TMEM119: variants seen among roughly 807,000 people sequenced by gnomAD.
TMEM119 encodes the protein transmembrane protein 119.
For synonymous variants in TMEM119, 182 were observed against 176.4 expected (o/e 1.03, Z -0.25); for missense variants, 410 against 381.0 (o/e 1.08, Z -0.63).
intron 1 of TMEM119, among the ~76,000 whole-genome samples, chr12:108,596,219 CCT>C (rs2031501490): frequency 6.6e-6 from 1 of 152,124 alleles, no homozygotes; most frequent in Admixed American, 6.5e-5. Context: ...AATTTCCCAC[CCT>C]GAGTCGACAA....
Position 108,591,231 on chromosome 12 carries a change from A to C in TMEM119, c.*301T>G. 1 of 321,810 alleles carries C rather than the reference A, an allele frequency of 3.1e-6. No homozygotes were observed. The highest frequency in any genetic ancestry group is 5.6e-6 in the Non-Finnish European group (1 of 177,286). The allele number at this position is 321,810 out of a possible 1,614,324, so 19.9% of individuals were successfully genotyped here. A position where few individuals can be genotyped will look rare whatever the true frequency, so the allele number is the denominator to read the frequency against. On this transcript the variant is annotated 3_prime_UTR_variant, in exon 2 of 2. Coordinates refer to ENST00000392806, the MANE Select transcript of TMEM119 (RefSeq NM_181724.3). The surrounding 1 kb of genome is among the most constrained non-coding windows in gnomAD (Gnocchi z 4.2). Reference sequence around the variant, plus strand: ...GAGCCTCCACACCCAGCCTTGAGGGATGTTTTATCCTGGCTGTCACAGGGA... The same window carrying C: ...GAGCCTCCACACCCAGCCTTGAGGGCTGTTTTATCCTGGCTGTCACAGGGA...
Position 108,590,611 on chromosome 12 carries a change from C to T in TMEM119, c.*921G>A, listed in dbSNP as rs1457429868. ...ACTGAGGCGGGAGAATCGCTTGAAC[C>T]TGGGAGGCGGATTGCACTGAGCCAA... On this transcript the variant is annotated 3_prime_UTR_variant, in exon 2 of 2. Coordinates refer to ENST00000392806, the MANE Select transcript of TMEM119 (RefSeq NM_181724.3). 1.3e-5 allele frequency: 2 copies of T among 152,106 alleles called. No individual in the cohort carries two copies. Among genetic ancestry groups the T allele is most frequent in the Non-Finnish European group, 2.9e-5 (2 of 68,030 alleles). The allele number at this position is 152,106 out of a possible 1,614,324, so 9.4% of individuals were successfully genotyped here. A position where few individuals can be genotyped will look rare whatever the true frequency, so the allele number is the denominator to read the frequency against.
In TMEM119 at chr12:108,592,478, G is replaced by A. The variant is rs575358864; in HGVS notation, c.-14-81C>T. Reference sequence around the variant, plus strand: ...CAGAAACAGGCTCACCAGCCCCCAGGAGGAACAGGGAGCATGAAACACCTT... The same window carrying A: ...CAGAAACAGGCTCACCAGCCCCCAGAAGGAACAGGGAGCATGAAACACCTT... On this transcript the variant is annotated intron_variant, in intron 1 of 1. Coordinates refer to ENST00000392806, the MANE Select transcript of TMEM119 (RefSeq NM_181724.3). This position sits in a 1 kb window ranked among gnomAD's most constrained non-coding sequence, Gnocchi z 4.3. The A allele has an allele frequency of 2.1e-6, 3 of 1,406,730 alleles. No individual in the cohort carries two copies. Among genetic ancestry groups the A allele is most frequent in the African/African-American group, 2.9e-5 (2 of 69,150 alleles). 87.1% of individuals were successfully genotyped at this position (1,406,730 alleles called of 1,614,324 possible).
In TMEM119 at chr12:108,592,297, G is replaced by T. The variant is rs112440164; in HGVS notation, c.87C>A (p.Pro29=). The change falls in exon 2 of 2, where the codon CCC becomes CCA. Residue 29 remains proline (P), a synonymous_variant. Coordinates refer to ENST00000392806, the MANE Select transcript of TMEM119 (RefSeq NM_181724.3). This position sits in a 1 kb window ranked among gnomAD's most constrained non-coding sequence, Gnocchi z 4.3. The part of the protein sequence containing the change: ...SVPATDARSV[P]LKATFLEDVA... ...CATCCTCCAGGAACGTGGCCTTCAG[G>T]GGCACAGAGCGGGCGTCGGTAGCAG... The T allele has an allele frequency of 1.2e-5, 20 of 1,607,946 alleles. No homozygotes were observed. Among genetic ancestry groups the T allele is most frequent in the African/African-American group, 9.3e-5 (7 of 74,922 alleles).
Position 108,592,641 on chromosome 12 carries a change from C to T in TMEM119, c.-14-244G>A, listed in dbSNP as rs2031434386. Among the ~76,000 whole-genome samples, 1 of 152,106 alleles carries T rather than the reference C, an allele frequency of 6.6e-6. No individual in the cohort carries two copies. The highest frequency in any genetic ancestry group is 1.5e-5 in the Non-Finnish European group (1 of 68,030). ...CATCTCGGCCTCCTCAGGGTTTGGCCCCATATCTGGTATTCAGTAAGTGCT... is the reference window on the plus strand; with the variant it reads ...CATCTCGGCCTCCTCAGGGTTTGGCTCCATATCTGGTATTCAGTAAGTGCT... On this transcript the variant is annotated intron_variant, in intron 1 of 1. Transcript: ENST00000392806. This position sits in a 1 kb window ranked among gnomAD's most constrained non-coding sequence, Gnocchi z 4.3.
At position 108,590,388 on chromosome 12, in the gene TMEM119, C is replaced by T. The variant is rs548570435; in HGVS notation, c.*1144G>A. On this transcript the variant is annotated 3_prime_UTR_variant, in exon 2 of 2. Coordinates refer to ENST00000392806, the MANE Select transcript of TMEM119 (RefSeq NM_181724.3). ...AGAGTGGGTGCTGCAGGATTTTACC[C>T]TGTAGCTGTTTTAAAAAGTAGTTTG... is the stretch of plus-strand genomic sequence containing the variant. The T allele has an allele frequency of 6.6e-6, 1 of 152,288 alleles. No homozygotes were observed. The highest frequency in any genetic ancestry group is 1.9e-4 in the East Asian group (1 of 5,184). 9.4% of individuals were successfully genotyped at this position (152,288 alleles called of 1,614,324 possible).
chr12:108,594,556 A>AAAAAAAAAG (rs1296956010), intron 1 of TMEM119: 2 of 151,774 alleles, frequency 1.3e-5, no homozygotes, highest in African/African-American at 2.4e-5. Flanking sequence ...CTGTCAAAAA[A>AAAAAAAAAG]AAAAAGAAAG....
rs1433093696 is a variant in TMEM119 at position 108,591,587 on chromosome 12, G to A, written c.797C>T (p.Pro266Leu). 2.5e-6 allele frequency: 4 copies of A among 1,613,482 alleles called. No homozygotes were observed. The highest frequency in any genetic ancestry group is 2.2e-5 in the South Asian group (2 of 91,044). The change falls in exon 2 of 2, where the codon CCA becomes CTA. Residue 266 changes from proline (P) to leucine (L), a missense_variant. Transcript: ENST00000392806. This position sits in a 1 kb window ranked among gnomAD's most constrained non-coding sequence, Gnocchi z 4.2. The stretch of plus-strand genomic sequence containing the variant: ...ACAGGGGCTTTCGGGGGGACCCACT[G>A]GTCCCTGGGCTTCCTGGGCTAACAA... Reference protein sequence around the residue: ...SLLLAQEAQGPVGPPESPCAC... With the variant: ...SLLLAQEAQGLVGPPESPCAC...
At chr12:108,595,559 C>T (rs1220263290) in intron 1 of TMEM119, among the ~76,000 whole-genome samples, 3 of 151,848 alleles carry the variant, frequency 2.0e-5, no homozygotes, top group African/African-American at 7.3e-5. Context: ...GCCCCACACA[C>T]ACCCCTATAC....
chr12:108,591,949 C>A lies in TMEM119; in HGVS notation c.435G>T (p.Gly145=). The change falls in exon 2 of 2, where the codon GGG becomes GGT. Residue 145 remains glycine, a synonymous_variant. Coordinates refer to ENST00000392806, the MANE Select transcript of TMEM119 (RefSeq NM_181724.3). The surrounding 1 kb of genome is among the most constrained non-coding windows in gnomAD (Gnocchi z 4.2). ...GGACCTCACTGAAGGCCCGGGGGCCCCCGGCCCGGTCACTCTGGTCCACGT... is the reference window on the plus strand; with the variant it reads ...GGACCTCACTGAAGGCCCGGGGGCCACCGGCCCGGTCACTCTGGTCCACGT... ...KKYVDQSDRA[G]GPRAFSEVPD... 1 of 1,612,978 alleles carries A rather than the reference C, an allele frequency of 6.2e-7. No individual in the cohort carries two copies. Among genetic ancestry groups the A allele is most frequent in the South Asian group, 1.1e-5 (1 of 91,004 alleles).
intron 1 of TMEM119, among the ~76,000 whole-genome samples, chr12:108,596,288 A>G (rs1011912651): frequency 5.3e-5 from 8 of 152,146 alleles, no homozygotes; most frequent in African/African-American, 1.7e-4. Context: ...GCCGCCACCC[A>G]GTGAAAGACC....
rs1475807310 is a variant in TMEM119, at chr12:108,590,618, G to A, written c.*914C>T. On this transcript the variant is annotated 3_prime_UTR_variant, in exon 2 of 2. Transcript: ENST00000392806. ...CGGGAGAATCGCTTGAACCTGGGAG[G>A]CGGATTGCACTGAGCCAAGATTGCA... 2.6e-5 allele frequency: 4 copies of A among 152,124 alleles called. No homozygotes were observed. Among genetic ancestry groups the A allele is most frequent in the Admixed American group, 2.6e-4 (4 of 15,276 alleles). The allele number at this position is 152,124 out of a possible 1,614,324, so 9.4% of individuals were successfully genotyped here. A position where few individuals can be genotyped will look rare whatever the true frequency, so the allele number is the denominator to read the frequency against.
Position 108,592,225 on chromosome 12 carries a change from G to A in TMEM119, c.159C>T (p.Ser53=). ...GGGCCGGGGTCCAGGGTGGCGGGAGGCTCGGGGAGGAGGCCGACGAGCCCT... is the reference window on the plus strand; with the variant it reads ...GGGCCGGGGTCCAGGGTGGCGGGAGACTCGGGGAGGAGGCCGACGAGCCCT... ...EAEGSSASSP[S]LPPPWTPALS... The change falls in exon 2 of 2, where the codon AGC becomes AGT. Residue 53 remains serine (S), a synonymous_variant. Coordinates refer to ENST00000392806, the MANE Select transcript of TMEM119 (RefSeq NM_181724.3). The surrounding 1 kb of genome is among the most constrained non-coding windows in gnomAD (Gnocchi z 4.3). 1 of 1,611,824 alleles carries A rather than the reference G, an allele frequency of 6.2e-7. No homozygotes were observed. The highest frequency in any genetic ancestry group is 8.5e-7 in the Non-Finnish European group (1 of 1,179,344).
At chr12:108,597,008 C>A (rs981357918) in intron 1 of TMEM119, among the ~76,000 whole-genome samples, 4 of 152,212 alleles carry the variant, frequency 2.6e-5, no homozygotes, top group Non-Finnish European at 5.9e-5. Context: ...CATATCTGTA[C>A]AATGGGGATA....
At position 108,592,045 on chromosome 12, in the gene TMEM119, A is replaced by G; in HGVS notation, c.339T>C (p.Cys113=). 1 of 1,614,148 alleles carries G rather than the reference A, an allele frequency of 6.2e-7. No individual in the cohort carries two copies. The highest frequency in any genetic ancestry group is 8.5e-7 in the Non-Finnish European group (1 of 1,180,002). Residue 113 remains cysteine (C), a synonymous_variant, in exon 2 of 2, where the codon TGT becomes TGC. Transcript: ENST00000392806. This position sits in a 1 kb window ranked among gnomAD's most constrained non-coding sequence, Gnocchi z 4.3. Reference sequence around the variant, plus strand: ...GCTTCTGCCGGGTGATGACCGCGGCACAGACGATGAACATCAGCAGAAAGG... The same window carrying G: ...GCTTCTGCCGGGTGATGACCGCGGCGCAGACGATGAACATCAGCAGAAAGG... ...SLAFLLMFIV[C]AAVITRQKQK...
chr12:108,591,947 C>G lies in TMEM119; in HGVS notation c.437G>C (p.Gly146Ala), dbSNP rs752298653. ...KYVDQSDRAG[G>A]PRAFSEVPDR... ...GGGGACCTCACTGAAGGCCCGGGGG[C>G]CCCCGGCCCGGTCACTCTGGTCCAC... Residue 146 changes from glycine (G) to alanine (A), a missense_variant, in exon 2 of 2, where the codon GGC becomes GCC. Coordinates refer to ENST00000392806, the MANE Select transcript of TMEM119 (RefSeq NM_181724.3). The surrounding 1 kb of genome is among the most constrained non-coding windows in gnomAD (Gnocchi z 4.2). 1.5e-5 allele frequency: 24 copies of G among 1,612,516 alleles called. No individual in the cohort carries two copies. In the East Asian group the frequency reaches 4.2e-4, roughly 28 times the overall value.
In TMEM119 at chr12:108,591,779, C is replaced by G; in HGVS notation, c.605G>C (p.Gly202Ala). ...GGGDGARMVEGRGAEEEEKGS... is the reference protein window; with the variant it reads ...GGGDGARMVEARGAEEEEKGS... Reference sequence around the variant, plus strand: ...CTTCTCCTCTTCCTCTGCGCCCCTGCCCTCCACCATCCTGGCTCCGTCCCC... The same window carrying G: ...CTTCTCCTCTTCCTCTGCGCCCCTGGCCTCCACCATCCTGGCTCCGTCCCC... The change falls in exon 2 of 2, where the codon GGC becomes GCC. Residue 202 changes from glycine (G) to alanine (A), a missense_variant. Physicochemically the swap from Gly to Ala is moderately conservative, Grantham distance 60. Transcript: ENST00000392806. The surrounding 1 kb of genome is among the most constrained non-coding windows in gnomAD (Gnocchi z 4.2). The G allele has an allele frequency of 6.3e-7, 1 of 1,593,690 alleles. No homozygotes were observed. Among genetic ancestry groups the G allele is most frequent in the Non-Finnish European group, 8.6e-7 (1 of 1,169,154 alleles).
chr12:108,595,989 G>A (rs1299449746), intron 1 of TMEM119, among the ~76,000 whole-genome samples: 4 of 152,124 alleles, frequency 2.6e-5, no homozygotes, highest in East Asian at 1.9e-4. Context: ...CAAGAATCCC[G>A]GCTCCATCGC....
chr12:108,593,935 A>G (rs1009856404), intron 1 of TMEM119, among the ~76,000 whole-genome samples: 1 of 152,178 alleles, frequency 6.6e-6, no homozygotes. Context: ...TTGGGTCTAG[A>G]AGCTTCAACA....
Sources: gnomAD v4.1 joint callset for allele counts (sites outside exome capture counted in the v4.1 genomes callset) on GRCh38, gnomAD v4.1.1 for gene constraint, Gnocchi (gnomAD v3.1) non-coding constraint, MANE v1.5 for transcripts, NCBI Gene and HGNC (gene_info 2026-07-23, HGNC 2026-07-21) for gene names.